CDH4: variants seen among roughly 807,000 people sequenced by gnomAD.
CDH4 encodes cadherin-4.
CDH4 carries 33 observed loss-of-function variants against 86.0 expected under a neutral mutation model. The ratio of observed to expected loss-of-function variants is 0.38; its 90% CI spans 0.29 to 0.51. The LOEUF (loss-of-function observed/expected upper bound fraction) is 0.51. Ranked by LOEUF, CDH4 falls within the 20% of genes least tolerant of loss-of-function variation. The probability of loss-of-function intolerance (pLI) is 0.86; values close to 1 mark genes in which losing one functional copy is unlikely to be tolerated. For synonymous variants in CDH4, 555 were observed against 549.4 expected (o/e 1.01, Z -0.14); for missense variants, 1,114 against 1,307.4 (o/e 0.85, Z 2.28).
chr20:61,480,023 A>G lies in CDH4; in HGVS notation c.169+225086A>G, dbSNP rs748676057. On this transcript the variant is annotated intron_variant, in intron 2 of 15. Transcript: ENST00000614565. The surrounding 1 kb of genome is among the most constrained non-coding windows in gnomAD (Gnocchi z 5.2). The stretch of plus-strand genomic sequence containing the variant: ...TTCAGACCTTATAGTTTTCATCTAT[A>G]GAAGTCTGATTCGGGACATCTTTTG... 1.7e-4 allele frequency among the ~76,000 whole-genome samples: 26 copies of G among 152,222 alleles called. No homozygotes were observed. Among genetic ancestry groups the G allele is most frequent in the Admixed American group, 5.9e-4 (9 of 15,292 alleles).
chr20:61,376,637 T>A (rs1011154575), intron 2 of CDH4, among the ~76,000 whole-genome samples: 7 of 152,178 alleles, frequency 4.6e-5, no homozygotes, highest in African/African-American at 1.7e-4. Flanking sequence ...TGCATCTTAC[T>A]GAGCATTCTC....
intron 2 of CDH4, among the ~76,000 whole-genome samples, chr20:61,454,830 T>A (rs2085399063): frequency 6.6e-6 from 1 of 152,100 alleles, no homozygotes; most frequent in Non-Finnish European, 1.5e-5. Flanking sequence ...CTGTACCTGG[T>A]GTTCGTTTTC....
chr20:61,339,382 A>G (rs1199965438), intron 2 of CDH4, among the ~76,000 whole-genome samples: 2 of 152,114 alleles, frequency 1.3e-5, no homozygotes, highest in Non-Finnish European at 2.9e-5. Context: ...CTTCCTGGAG[A>G]TCTGAAGCAA....
intron 2 of CDH4, among the ~76,000 whole-genome samples, chr20:61,405,238 C>G (rs893413012): frequency 4.6e-5 from 7 of 151,720 alleles, no homozygotes; most frequent in African/African-American, 1.7e-4. Flanking sequence ...CCATGGTCAT[C>G]TTTTTCTCCC....
intron 2 of CDH4, among the ~76,000 whole-genome samples, chr20:61,369,631 G>C (rs2084829325): frequency 6.6e-6 from 1 of 151,836 alleles, no homozygotes; most frequent in Admixed American, 6.6e-5. Context: ...GAACCCAGTG[G>C]GGTTCTCAAA....
chr20:61,780,482 A>G (rs1978479879), intron 4 of CDH4, among the ~76,000 whole-genome samples: 1 of 152,136 alleles, frequency 6.6e-6, no homozygotes, highest in Non-Finnish European at 1.5e-5. Context: ...AGGAGCACAC[A>G]TGTCGTTAAA....
chr20:61,448,093 G>T (rs1204311105), intron 2 of CDH4, among the ~76,000 whole-genome samples: 1 of 152,230 alleles, frequency 6.6e-6, no homozygotes, highest in African/African-American at 2.4e-5. Flanking sequence ...AGAACCAAAA[G>T]GATCTTAAAA....
At chr20:61,574,804 A>G (rs2086370471) in intron 2 of CDH4, among the ~76,000 whole-genome samples, 1 of 152,146 alleles carries the variant, frequency 6.6e-6, no homozygotes, top group African/African-American at 2.4e-5. Context: ...CTTTGGACCA[A>G]GTCCAGGGTT....
At position 61,879,719 on chromosome 20, in the gene CDH4, G is replaced by A. The variant is rs527934052; in HGVS notation, c.1050+5819G>A. ...TAATGAGGAGGTGAACGTGCCGCCC[G>A]AGCCCCGTCCTGAAGGTGAGAGTGG... is the stretch of plus-strand genomic sequence containing the variant. On this transcript the variant is annotated intron_variant, in intron 7 of 15. Transcript: ENST00000614565. The surrounding 1 kb of genome is among the most constrained non-coding windows in gnomAD (Gnocchi z 4.1). Among the ~76,000 whole-genome samples, 30 of 151,732 alleles carry A rather than the reference G, an allele frequency of 2.0e-4. 3 individuals carry two copies. Among genetic ancestry groups the A allele is most frequent in the Admixed American group, 1.4e-3 (22 of 15,212 alleles).
At chr20:61,634,440 C>T (rs552141994) in intron 2 of CDH4, among the ~76,000 whole-genome samples, 1 of 152,328 alleles carries the variant, frequency 6.6e-6, no homozygotes, top group South Asian at 2.1e-4. Context: ...ACACCGGTGA[C>T]CCTGACTTCC....
At chr20:61,513,095 G>C (rs952667025) in intron 2 of CDH4, among the ~76,000 whole-genome samples, 1 of 152,156 alleles carries the variant, frequency 6.6e-6, no homozygotes, top group Admixed American at 6.5e-5. Context: ...GTGGGATTTT[G>C]TCCTACAGGT....
chr20:61,824,170 C>G (rs1425144831), intron 4 of CDH4, among the ~76,000 whole-genome samples: 1 of 152,098 alleles, frequency 6.6e-6, no homozygotes, highest in African/African-American at 2.4e-5. Context: ...GGAGCATAGC[C>G]TCATCCCCTC....
rs1212713196 is a variant in CDH4 at position 61,754,776 on chromosome 20, A to ACCACACACACACTGCACG, written c.396+10998_396+11015dup. ...CACACACACAGTGCATGCCACACAC[A>ACCACACACACACTGCACG]CCACACACACACTGCACGCCACACA... On this transcript the variant is annotated intron_variant, in intron 3 of 15. Transcript: ENST00000614565. The surrounding 1 kb of genome is among the most constrained non-coding windows in gnomAD (Gnocchi z 4.7). 6.9e-6 allele frequency among the ~76,000 whole-genome samples: 1 copy of ACCACACACACACTGCACG among 144,438 alleles called. No homozygotes were observed. Among genetic ancestry groups the ACCACACACACACTGCACG allele is most frequent in the Non-Finnish European group, 1.5e-5 (1 of 66,336 alleles). 94.8% of individuals were successfully genotyped at this position (144,438 alleles called of 152,430 possible). A position where few individuals can be genotyped will look rare whatever the true frequency, so the allele number is the denominator to read the frequency against.
At chr20:61,751,802 A>C (rs2088500031) in intron 3 of CDH4, among the ~76,000 whole-genome samples, 1 of 152,238 alleles carries the variant, frequency 6.6e-6, no homozygotes, top group South Asian at 2.1e-4. Flanking sequence ...ACAACAGAGG[A>C]AAGACTGTCT....
At chr20:61,399,688 C>T (rs2085039320) in intron 2 of CDH4, among the ~76,000 whole-genome samples, 1 of 152,212 alleles carries the variant, frequency 6.6e-6, no homozygotes, top group African/African-American at 2.4e-5. Context: ...ACCTGCCCAT[C>T]CATCACCCAC....
intron 3 of CDH4, among the ~76,000 whole-genome samples, chr20:61,755,690 C>T (rs555217618): frequency 7.3e-5 from 11 of 151,686 alleles, no homozygotes; most frequent in East Asian, 1.9e-4. Context: ...ACACCACACA[C>T]AGTACATTTT....
Position 61,743,730 on chromosome 20 carries a change from T to C in CDH4, c.337T>C (p.Trp113Arg). ...TAWDSQTAEKWDAVVRLLVAQ... is the reference protein window; with the variant it reads ...TAWDSQTAEKRDAVVRLLVAQ... ...ATGGGACAGCCAGACAGCAGAGAAATGGGACGCCGTGGTGCGGTTGCTGGT... is the reference window on the plus strand; with the variant it reads ...ATGGGACAGCCAGACAGCAGAGAAACGGGACGCCGTGGTGCGGTTGCTGGT... Residue 113 changes from tryptophan to arginine, a missense_variant, in exon 3 of 16, where the codon TGG becomes CGG. Trp to Arg is a moderately radical substitution (Grantham distance 101). Around this residue, in one of 3 missense-constraint regions of CDH4, gnomAD observed 221 missense variants for 209.5 expected, o/e 1.05. Coordinates refer to ENST00000614565, the MANE Select transcript of CDH4 (RefSeq NM_001794.5). The C allele has an allele frequency of 6.2e-7, 1 of 1,611,064 alleles. No homozygotes were observed. The highest frequency in any genetic ancestry group is 8.5e-7 in the Non-Finnish European group (1 of 1,179,026).
At chr20:61,773,294 C>A in intron 4 of CDH4, 112 bp downstream of exon 4, 1 of 1,019,434 alleles carries the variant, frequency 9.8e-7, no homozygotes, top group Non-Finnish European at 1.4e-6. Flanking sequence ...GAGAAGGTCG[C>A]GATTTCACCC....
At chr20:61,297,707 C>G (rs1416026190) in intron 2 of CDH4, among the ~76,000 whole-genome samples, 1 of 152,250 alleles carries the variant, frequency 6.6e-6, no homozygotes, top group Non-Finnish European at 1.5e-5. Flanking sequence ...ATTCTGGAGG[C>G]CTTGCAGCGC....
Sources: gnomAD v4.1 joint callset for allele counts (sites outside exome capture counted in the v4.1 genomes callset) on GRCh38, gnomAD v4.1.1 for gene constraint, gnomAD v4.1.1 regional missense constraint, Gnocchi (gnomAD v3.1) non-coding constraint, MANE v1.5 for transcripts, NCBI Gene and HGNC (gene_info 2026-07-23, HGNC 2026-07-21) for gene names.